Variants in CNKSR2 observed in about 807,000 individuals in gnomAD.
CNKSR2 encodes the protein connector enhancer of kinase suppressor of Ras 2.
Under a neutral mutation model 84.4 loss-of-function variants are expected in CNKSR2, and 14 were observed. The observed-to-expected ratio is 0.17, with a 90% CI of 0.11 to 0.26. The LOEUF is 0.26. Among genes scored for constraint, CNKSR2 ranks in the 10% least tolerant of loss-of-function variants. CNKSR2 has a pLI of 1.00. For synonymous variants in CNKSR2, 275 were observed against 277.9 expected, an observed-to-expected ratio of 0.99 and a Z score of 0.10; for missense variants, 485 against 771.2, an observed-to-expected ratio of 0.63 and a Z score of 4.40.
chrX:21,502,039 G>C (rs765851122), intron 8 of CNKSR2, among the ~76,000 whole-genome samples: 4 of 107,132 alleles, frequency 3.7e-5, no homozygotes, highest in Non-Finnish European at 7.8e-5. Context: ...GGTTTTGGGG[G>C]GAGTATTTTA....
At chrX:21,643,082 TG>T (rs2092696777) in intron 20 of CNKSR2, 1 of 110,860 alleles carries the variant, frequency 9.0e-6, no homozygotes, top group East Asian at 2.8e-4. Context: ...AGGAATATAG[TG>T]ACTCCACATT....
intron 11 of CNKSR2, among the ~76,000 whole-genome samples, chrX:21,558,549 T>C: frequency 9.4e-6 from 1 of 106,939 alleles, no homozygotes; most frequent in African/African-American, 3.4e-5. Context: ...AGTATAATTC[T>C]GTTAAAAAAA....
rs2090375943 is a variant in CNKSR2, at chrX:21,413,648, A to AC, written c.65-12847dup. Among the ~76,000 whole-genome samples, 11 of 110,530 alleles carry AC rather than the reference A, an allele frequency of 1.0e-4. No homozygotes were observed. The Admixed American group carries it at 1.1e-3, about 11-fold the overall frequency. On this transcript the variant is annotated intron_variant, in intron 1 of 21. Coordinates refer to ENST00000379510, the MANE Select transcript of CNKSR2 (RefSeq NM_014927.5). The stretch of plus-strand genomic sequence containing the variant: ...CCACTAGCCTTCCCTCCCTTTGGTA[A>AC]CCATCCTTCTACTCTGTTTAATTTT...
chrX:21,609,064 T>C lies in CNKSR2; in HGVS notation c.2146-7T>C. ...GGCACAGACTAATCAGGGGCTCCTTTCTACAGATGAGTTGCGCCAGTCCTT... is the reference window on the plus strand; with the variant it reads ...GGCACAGACTAATCAGGGGCTCCTTCCTACAGATGAGTTGCGCCAGTCCTT... On this transcript the variant is annotated splice_polypyrimidine_tract_variant and splice_region_variant and intron_variant, in intron 19 of 21. Coordinates refer to ENST00000379510, the MANE Select transcript of CNKSR2 (RefSeq NM_014927.5). 8.4e-7 allele frequency: 1 copy of C among 1,193,759 alleles called. No individual in the cohort carries two copies. The highest frequency in any genetic ancestry group is 1.1e-6 in the Non-Finnish European group (1 of 886,378).
intron 20 of CNKSR2, chrX:21,641,607 G>A: frequency 8.6e-7 from 1 of 1,165,941 alleles, no homozygotes; most frequent in Non-Finnish European, 1.1e-6. Flanking sequence ...TCAACCCATT[G>A]GACTCACAGA....
At chrX:21,406,197 G>A (rs1175171778) in intron 1 of CNKSR2, among the ~76,000 whole-genome samples, 1 of 111,506 alleles carries the variant, frequency 9.0e-6, no homozygotes, top group Non-Finnish European at 1.9e-5. Flanking sequence ...CACTGAGCAT[G>A]TGAGGGATCT....
At chrX:21,467,993 A>G in intron 4 of CNKSR2, among the ~76,000 whole-genome samples, 1 of 111,591 alleles carries the variant, frequency 9.0e-6, no homozygotes, top group Non-Finnish European at 1.9e-5. Flanking sequence ...ATAAAAATAT[A>G]TTAATATCTT....
In CNKSR2 at chrX:21,419,986, A is replaced by C. The variant is rs757526766; in HGVS notation, c.65-6511A>C. On this transcript the variant is annotated intron_variant, in intron 1 of 21. Transcript: ENST00000379510. ...CTTGTGTTCTTCCCTTCAGGGCAGC[A>C]ATTTCCCCCAGGCCCTGGGTGGGTC... 3.6e-5 allele frequency among the ~76,000 whole-genome samples: 4 copies of C among 112,425 alleles called. No homozygotes were observed. The South Asian group carries it at 1.5e-3, about 41-fold the overall frequency.
chrX:21,518,859 A>G (rs1428830913), intron 9 of CNKSR2, among the ~76,000 whole-genome samples: 3 of 111,869 alleles, frequency 2.7e-5, no homozygotes, highest in African/African-American at 9.7e-5. Context: ...TCAGCATTAT[A>G]TAAGTGCTGT....
chrX:21,462,754 C>A (rs1358749973), intron 4 of CNKSR2, among the ~76,000 whole-genome samples: 1 of 104,066 alleles, frequency 9.6e-6, no homozygotes, highest in Non-Finnish European at 2.0e-5. Flanking sequence ...CACTCTGTCG[C>A]CCAGGTTGGA....
At chrX:21,385,766 G>A (rs1487259371) in intron 1 of CNKSR2, among the ~76,000 whole-genome samples, 1 of 111,579 alleles carries the variant, frequency 9.0e-6, no homozygotes, top group African/African-American at 3.3e-5. Context: ...TTTCAAAGAT[G>A]TGTATGTCCT....
intron 20 of CNKSR2, chrX:21,641,529 T>C: frequency 8.5e-7 from 1 of 1,176,449 alleles, no homozygotes; most frequent in Non-Finnish European, 1.1e-6. Flanking sequence ...CTTTATCATA[T>C]TAGGCTAATA....
At chrX:21,482,345 G>A (rs1361742926) in intron 5 of CNKSR2, among the ~76,000 whole-genome samples, 1 of 111,601 alleles carries the variant, frequency 9.0e-6, no homozygotes, top group Non-Finnish European at 1.9e-5. Context: ...AGCACTTCTG[G>A]GTTTTAGTCT....
intron 20 of CNKSR2, among the ~76,000 whole-genome samples, chrX:21,647,697 T>C (rs1159933882): frequency 8.9e-6 from 1 of 111,802 alleles, no homozygotes; most frequent in Admixed American, 9.5e-5. Flanking sequence ...ATTAAGCATT[T>C]ACCCTGCTGC....
chrX:21,395,119 T>C (rs1028515049), intron 1 of CNKSR2, among the ~76,000 whole-genome samples: 1 of 111,797 alleles, frequency 8.9e-6, no homozygotes, highest in Non-Finnish European at 1.9e-5. Context: ...CTTTTAATTT[T>C]CTTATTACCA....
chrX:21,599,548 A>G (rs2092469946), intron 17 of CNKSR2, among the ~76,000 whole-genome samples: 1 of 110,805 alleles, frequency 9.0e-6, no homozygotes, highest in Non-Finnish European at 1.9e-5. Context: ...TGTATTTAGT[A>G]GAGACTGGGT....
At chrX:21,403,419 C>G (rs1446842369) in intron 1 of CNKSR2, among the ~76,000 whole-genome samples, 1 of 111,557 alleles carries the variant, frequency 9.0e-6, no homozygotes, top group Non-Finnish European at 1.9e-5. Flanking sequence ...TTTTATCATA[C>G]GAACTTTAGT....
chrX:21,479,080 C>T (rs1180391065), intron 5 of CNKSR2, among the ~76,000 whole-genome samples: 2 of 111,436 alleles, frequency 1.8e-5, no homozygotes, highest in Admixed American at 1.9e-4. Context: ...TCTTCTAAGT[C>T]CCCAGTGTTT....
intron 20 of CNKSR2, chrX:21,644,172 G>A (rs2092700023): frequency 8.9e-6 from 1 of 111,757 alleles, no homozygotes; most frequent in East Asian, 2.8e-4. Flanking sequence ...AAGAATGAAT[G>A]TCTCTCAAAT....
Sources: allele counts gnomAD v4.1 joint callset (sites outside exome capture counted in the v4.1 genomes callset), GRCh38; gene constraint gnomAD v4.1.1; transcripts MANE v1.5; gene names NCBI Gene and HGNC (gene_info 2026-07-23, HGNC 2026-07-21).